The following AGXT2 variants were observed in gnomAD, a reference collection of about 807,000 sequenced individuals.
AGXT2 encodes alanine--glyoxylate aminotransferase 2, mitochondrial.
In AGXT2, 61 loss-of-function variants were observed where a neutral mutation model predicts 62.5. The ratio of observed to expected loss-of-function variants is 0.98; its 90% CI spans 0.79 to 1.21. The LOEUF is 1.21. AGXT2 is among the 50% of genes most tolerant of loss of function. The pLI, the probability that AGXT2 is intolerant of heterozygous loss-of-function variation, is 0.00. For missense variants in AGXT2, 666 were observed against 641.5 expected (o/e 1.04, Z -0.41); for synonymous variants, 243 against 218.7 (o/e 1.11, Z -0.98).
At position 35,025,838 on chromosome 5, in the gene AGXT2, G is replaced by C. The variant is rs147671691; in HGVS notation, c.888C>G (p.Val296=). The C allele has an allele frequency of 6.6e-5, 106 of 1,614,044 alleles. No individual in the cohort carries two copies. In the African/African-American group the frequency reaches 1.2e-3, roughly 18 times the overall value. The part of the protein sequence containing the change: ...AEPIQGVNGV[V]QYPKGFLKEA... ...CCTTTAGAAACCCCTTTGGGTACTG[G>C]ACAACTCCATTCACACCCTGCAAAA... Residue 296 remains valine (V), a synonymous_variant, in exon 9 of 14, where the codon GTC becomes GTG. Transcript: ENST00000231420.
intron 3 of AGXT2, among the ~76,000 whole-genome samples, chr5:35,037,697 G>A (rs963365198): frequency 6.6e-6 from 1 of 152,218 alleles, no homozygotes; most frequent in Non-Finnish European, 1.5e-5. Flanking sequence ...GACTATAGGT[G>A]CATGCTACCA....
intron 7 of AGXT2, among the ~76,000 whole-genome samples, chr5:35,030,279 G>A (rs1354101180): frequency 3.3e-5 from 5 of 152,130 alleles, no homozygotes; most frequent in African/African-American, 7.2e-5. Flanking sequence ...AGGCCAAGGC[G>A]AGCGGATCAC....
At chr5:35,034,168 T>C (rs1220225139) in intron 5 of AGXT2, among the ~76,000 whole-genome samples, 1 of 152,128 alleles carries the variant, frequency 6.6e-6, no homozygotes, top group Non-Finnish European at 1.5e-5. Context: ...TGTATTAGGT[T>C]GGTGCAAAAG....
At position 35,037,073 on chromosome 5, in the gene AGXT2, A is replaced by C; in HGVS notation, c.363-8T>G. 1.2e-6 allele frequency: 2 copies of C among 1,613,798 alleles called. No individual in the cohort carries two copies. Among genetic ancestry groups the C allele is most frequent in the Non-Finnish European group, 1.7e-6 (2 of 1,179,952 alleles). On this transcript the variant is annotated splice_region_variant and splice_polypyrimidine_tract_variant and intron_variant, in intron 3 of 13. Transcript: ENST00000231420. ...GCCACTGCATTCACCTTTCTGGATA[A>C]GCAGTACAGCAGAGTTACCTGCACT...
chr5:35,026,243 G>A (rs1767342253), intron 8 of AGXT2, 167 bp downstream of exon 8: 2 of 673,004 alleles, frequency 3.0e-6, no homozygotes, highest in African/African-American at 3.6e-5. Context: ...TTTTTAAAAG[G>A]TCATTTGAAA....
chr5:35,007,316 T>C (rs561298837), intron 12 of AGXT2, among the ~76,000 whole-genome samples: 3 of 152,340 alleles, frequency 2.0e-5, no homozygotes, highest in Middle Eastern at 3.4e-3. Context: ...TTATAAGATA[T>C]CCAATCTATA....
intron 1 of AGXT2, among the ~76,000 whole-genome samples, chr5:35,041,924 T>A (rs1768006252): frequency 6.6e-6 from 1 of 152,338 alleles, no homozygotes; most frequent in South Asian, 2.1e-4. Context: ...CTTTTGGTTA[T>A]CCATGCATAG....
chr5:35,024,635 C>T (rs1767250302), intron 9 of AGXT2, among the ~76,000 whole-genome samples: 1 of 152,154 alleles, frequency 6.6e-6, no homozygotes. Context: ...GTTGGTGGTA[C>T]TCCTCTAATT....
intron 12 of AGXT2, among the ~76,000 whole-genome samples, chr5:35,008,000 C>T (rs563703075): frequency 3.9e-5 from 6 of 152,226 alleles, no homozygotes; most frequent in South Asian, 2.1e-4. Flanking sequence ...CATATGCCAG[C>T]GCCTCTTCCC....
chr5:35,020,435 A>C (rs1767024658), intron 9 of AGXT2, among the ~76,000 whole-genome samples: 1 of 152,232 alleles, frequency 6.6e-6, no homozygotes, highest in Non-Finnish European at 1.5e-5. Flanking sequence ...AAATCAATAA[A>C]TGTAATCCAG....
intron 1 of AGXT2, among the ~76,000 whole-genome samples, chr5:35,046,308 C>T (rs151321099): frequency 6.6e-6 from 1 of 152,296 alleles, no homozygotes; most frequent in East Asian, 1.9e-4. Context: ...ATTTCCTCCT[C>T]ACTGAGCATA....
rs962503234 is a variant in AGXT2 at position 34,998,584 on chromosome 5, A to G, written c.*135T>C. On this transcript the variant is annotated 3_prime_UTR_variant, in exon 14 of 14. Transcript: ENST00000231420. The stretch of plus-strand genomic sequence containing the variant: ...AACAAATATGGTTGGTAGGCAGTCA[A>G]CCATGACTTTTACAGCTCCTGTGGA... The G allele has an allele frequency of 1.4e-6, 1 of 721,972 alleles. No homozygotes were observed. Among genetic ancestry groups the G allele is most frequent in the Non-Finnish European group, 2.4e-6 (1 of 414,026 alleles). 44.7% of individuals were successfully genotyped at this position (721,972 alleles called of 1,614,324 possible).
intron 12 of AGXT2, among the ~76,000 whole-genome samples, chr5:35,006,864 G>A (rs185446670): frequency 3.3e-5 from 5 of 152,286 alleles, no homozygotes; most frequent in Admixed American, 2.6e-4. Flanking sequence ...ATGTGTTGCA[G>A]GGGCCTGAAA....
Position 35,009,426 on chromosome 5 carries a change from T to C in AGXT2, c.1338+574A>G, listed in dbSNP as rs1488536827. ...GCCTGGGCAATATGGCAAAACCCCA[T>C]TTCTACTAAAAATACAAAAATTAGC... is the stretch of plus-strand genomic sequence containing the variant. On this transcript the variant is annotated intron_variant, in intron 12 of 13. Coordinates refer to ENST00000231420, the MANE Select transcript of AGXT2 (RefSeq NM_031900.4). 2.0e-5 allele frequency among the ~76,000 whole-genome samples: 3 copies of C among 152,084 alleles called. No individual in the cohort carries two copies. In the East Asian group the frequency reaches 5.8e-4, roughly 29 times the overall value.
intron 5 of AGXT2, among the ~76,000 whole-genome samples, 193 bp downstream of exon 5, chr5:35,035,029 C>T (rs536690691): frequency 2.0e-5 from 3 of 152,272 alleles, no homozygotes; most frequent in East Asian, 3.9e-4. Flanking sequence ...GGCCCCCTCT[C>T]TTGTATCAGG....
At chr5:35,006,740 T>C (rs1368888641) in intron 12 of AGXT2, among the ~76,000 whole-genome samples, 5 of 152,168 alleles carry the variant, frequency 3.3e-5, no homozygotes, top group African/African-American at 1.2e-4. Flanking sequence ...GACAAATTAC[T>C]GTCCAAAGGG....
At chr5:35,026,235 T>C (rs555032146) in intron 8 of AGXT2, 175 bp downstream of exon 8, 39 of 664,548 alleles carry the variant, frequency 5.9e-5, no homozygotes, top group African/African-American at 5.8e-4. Context: ...GGAGAGGGTT[T>C]TTAAAAGGTC....
At chr5:35,015,365 T>G (rs910803446) in intron 9 of AGXT2, among the ~76,000 whole-genome samples, 1 of 152,200 alleles carries the variant, frequency 6.6e-6, no homozygotes, top group Non-Finnish European at 1.5e-5. Context: ...CCTGATTAAA[T>G]AAAGCCATAC....
At chr5:35,036,834 C>T (rs1389143643) in intron 4 of AGXT2, 108 bp downstream of exon 4, 2 of 1,550,090 alleles carry the variant, frequency 1.3e-6, no homozygotes, top group Admixed American at 1.7e-5. Flanking sequence ...TCCCTGCTTC[C>T]TAGGGACGCT....
Sources: allele counts gnomAD v4.1 joint callset (sites outside exome capture counted in the v4.1 genomes callset), GRCh38; gene constraint gnomAD v4.1.1; transcripts MANE v1.5; gene names NCBI Gene and HGNC (gene_info 2026-07-23, HGNC 2026-07-21).